RGS17: variants seen among roughly 807,000 people sequenced by gnomAD.
RGS17 encodes regulator of G-protein signaling 17.
In RGS17, 12 loss-of-function variants were observed where a neutral mutation model predicts 25.5. The ratio of observed to expected loss-of-function variants is 0.47; its 90% confidence interval spans 0.30 to 0.76. The LOEUF (loss-of-function observed/expected upper bound fraction) is 0.76, where lower values mean the gene tolerates loss of function less well. Ranked by LOEUF, RGS17 falls within the 30% of genes least tolerant of loss-of-function variation. The pLI is 0.07. For missense variants in RGS17, 196 were observed against 242.2 expected (o/e 0.81, Z 1.27); for synonymous variants, 71 against 76.9 (o/e 0.92, Z 0.40).
intron 2 of RGS17, among the ~76,000 whole-genome samples, chr6:153,035,109 G>A (rs951433944): frequency 1.3e-4 from 19 of 149,796 alleles, no homozygotes; most frequent in African/African-American, 4.4e-4. Context: ...GGCCAAGATC[G>A]CACCACTGCA....
chr6:153,077,346 A>G (rs28396713), intron 1 of RGS17, among the ~76,000 whole-genome samples: 3 of 140,540 alleles, frequency 2.1e-5, no homozygotes, highest in African/African-American at 2.6e-5. Flanking sequence ...CCTGCATGGG[A>G]AAAAAATAGC....
intron 4 of RGS17, among the ~76,000 whole-genome samples, chr6:153,012,503 G>T (rs1291867743): frequency 6.6e-6 from 1 of 152,172 alleles, no homozygotes; most frequent in Non-Finnish European, 1.5e-5. Flanking sequence ...AATGATTTAG[G>T]ATCTTCCCCC....
At chr6:153,112,044 C>T (rs914678706) in intron 1 of RGS17, among the ~76,000 whole-genome samples, 2 of 152,192 alleles carry the variant, frequency 1.3e-5, no homozygotes, top group Non-Finnish European at 2.9e-5. Flanking sequence ...AGGATCACAA[C>T]TCCTCACCAG....
chr6:153,078,440 C>A (rs1298242807), intron 1 of RGS17, among the ~76,000 whole-genome samples: 2 of 152,002 alleles, frequency 1.3e-5, no homozygotes, highest in Non-Finnish European at 2.9e-5. Flanking sequence ...TTTTAAATTT[C>A]TCAGTGCTGT....
At chr6:153,117,220 T>C (rs929810468) in intron 1 of RGS17, among the ~76,000 whole-genome samples, 4 of 152,110 alleles carry the variant, frequency 2.6e-5, no homozygotes, top group African/African-American at 9.7e-5. Context: ...AAGCTTGGAC[T>C]TTCTCACATG....
At position 153,024,472 on chromosome 6, in the gene RGS17, G is replaced by A. The variant is rs758067854; in HGVS notation, c.234C>T (p.Val78=). The change falls in exon 4 of 5, where the codon GTC becomes GTT. Residue 78 remains valine, a synonymous_variant. Coordinates refer to ENST00000206262, the MANE Select transcript of RGS17 (RefSeq NM_012419.5). The part of the protein sequence containing the change: ...EECQNPTAEE[V]LSWSQNFDKM... ...TGTCAAAATTTTGAGACCAGGACAA[G>A]ACTTCCTCTGCAGTGGGGTTTTGGC... The A allele has an allele frequency of 1.8e-5, 29 of 1,614,000 alleles. No homozygotes were observed. In the African/African-American group the frequency reaches 3.6e-4, roughly 20 times the overall value.
intron 1 of RGS17, among the ~76,000 whole-genome samples, chr6:153,093,907 T>A (rs1378806778): frequency 6.6e-6 from 1 of 152,180 alleles, no homozygotes. Flanking sequence ...TTTTCCCAAC[T>A]GTGAAAACAG....
At chr6:153,122,668 T>G (rs539915031) in intron 1 of RGS17, among the ~76,000 whole-genome samples, 1 of 152,186 alleles carries the variant, frequency 6.6e-6, no homozygotes, top group South Asian at 2.1e-4. Flanking sequence ...GATAGAACAT[T>G]TGAGCTCTTG....
rs540602381 is a variant in RGS17, at chr6:153,085,845, A to G, written c.-25-41802T>C. Among the ~76,000 whole-genome samples, 7 of 152,332 alleles carry G rather than the reference A, an allele frequency of 4.6e-5. No homozygotes were observed. The East Asian group carries it at 1.3e-3, about 29-fold the overall frequency. On this transcript the variant is annotated intron_variant, in intron 1 of 4. Coordinates refer to ENST00000206262, the MANE Select transcript of RGS17 (RefSeq NM_012419.5). ...ATGTACCCAGTCTGCAAGTATGAAA[A>G]TCATGAGCTTACCATGCAGATTTAA...
rs1776562268 is a variant in RGS17 at position 153,056,537 on chromosome 6, T to C, written c.-25-12494A>G. Among the ~76,000 whole-genome samples the C allele has an allele frequency of 2.0e-5, 3 of 152,290 alleles. No homozygotes were observed. In the South Asian group the frequency reaches 6.2e-4, roughly 32 times the overall value. On this transcript the variant is annotated intron_variant, in intron 1 of 4. Transcript: ENST00000206262. ...GCCTCAAGCCAAGCATTCTTGAGTA[T>C]TTAAGTTACTGGTGAACAAGTCCTT...
intron 1 of RGS17, among the ~76,000 whole-genome samples, chr6:153,084,703 G>C (rs1777029144): frequency 6.6e-6 from 1 of 152,158 alleles, no homozygotes; most frequent in South Asian, 2.1e-4. Context: ...GAGGAGCTGT[G>C]CCTCCATTAA....
chr6:153,067,936 C>T lies in RGS17; in HGVS notation c.-25-23893G>A, dbSNP rs144064664. ...TACAGAGCTATAGTAACCAAAACAG[C>T]ATGGTACTGGCATAAAAACAGACAC... On this transcript the variant is annotated intron_variant, in intron 1 of 4. Transcript: ENST00000206262. Among the ~76,000 whole-genome samples, 1,112 of 152,254 alleles carry T rather than the reference C, an allele frequency of 7.3e-3. 12 individuals carry two copies. The highest frequency in any genetic ancestry group is 0.026 in the African/African-American group (1,060 of 41,552).
At chr6:153,031,168 T>A (rs1779358820) in intron 2 of RGS17, among the ~76,000 whole-genome samples, 1 of 152,126 alleles carries the variant, frequency 6.6e-6, no homozygotes, top group Admixed American at 6.5e-5. Context: ...AATGATGAGG[T>A]GGACTCCAAA....
chr6:153,029,653 T>G (rs1414747338), intron 2 of RGS17, among the ~76,000 whole-genome samples: 2 of 151,792 alleles, frequency 1.3e-5, no homozygotes, highest in Non-Finnish European at 2.9e-5. Flanking sequence ...TGCAATGGCA[T>G]GATCTCAGCT....
At chr6:153,128,842 A>T (rs190228607) in intron 1 of RGS17, among the ~76,000 whole-genome samples, 44 of 152,290 alleles carry the variant, frequency 2.9e-4, no homozygotes, top group Admixed American at 1.2e-3. Flanking sequence ...CTATTTGAGA[A>T]GGAAATGCTG....
intron 1 of RGS17, among the ~76,000 whole-genome samples, chr6:153,104,436 A>T (rs552034171): frequency 6.6e-6 from 1 of 152,236 alleles, no homozygotes; most frequent in Non-Finnish European, 1.5e-5. Context: ...AATGACTCTG[A>T]ATCCAGAACA....
intron 4 of RGS17, 29 bp from the exon 5 acceptor site, chr6:153,011,791 AATAAT>A (rs10555282): frequency 0.49 from 742,962 of 1,521,008 alleles, 183,523 homozygotes; most frequent in Middle Eastern, 0.51. Context: ...AAATACATTA[AATAAT>A]ATTTTTTTCA....
At chr6:153,070,672 ATTGTGTGT>A (rs1325716945) in intron 1 of RGS17, among the ~76,000 whole-genome samples, 26 of 46,214 alleles carry the variant, frequency 5.6e-4, no homozygotes, top group Middle Eastern at 0.012. Context: ...CACATGGAAG[ATTGTGTGT>A]GTGTGTGTGT....
chr6:153,081,875 A>C (rs1383697384), intron 1 of RGS17, among the ~76,000 whole-genome samples: 1 of 152,170 alleles, frequency 6.6e-6, no homozygotes, highest in Non-Finnish European at 1.5e-5. Flanking sequence ...TCTACATGGT[A>C]TTACTTACTT....
Sources: allele counts gnomAD v4.1 joint callset (sites outside exome capture counted in the v4.1 genomes callset), GRCh38; gene constraint gnomAD v4.1.1; transcripts MANE v1.5; gene names NCBI Gene and HGNC (gene_info 2026-07-23, HGNC 2026-07-21).